Variants in IQCK observed in about 807,000 individuals in gnomAD.
IQCK encodes the protein IQ motif containing K, also known as IQ domain-containing protein K.
In IQCK, 29 loss-of-function variants were observed where a neutral mutation model predicts 28.1. That is an observed-to-expected ratio of 1.03 (90% CI 0.77 to 1.41). IQCK has a LOEUF of 1.41. Among genes scored for constraint, IQCK ranks in the 40% most tolerant of loss-of-function variants. The probability of loss-of-function intolerance (pLI) is 0.00; values close to 1 mark genes in which losing one functional copy is unlikely to be tolerated. For missense variants in IQCK, 359 were observed against 314.7 expected, an observed-to-expected ratio of 1.14 and a Z score of -1.07; for synonymous variants, 113 against 115.1, an observed-to-expected ratio of 0.98 and a Z score of 0.12.
chr16:19,763,826 T>C, intron 4 of IQCK, 22 bp from the exon 5 acceptor site: 1 of 1,590,430 alleles, frequency 6.3e-7, no homozygotes, highest in Non-Finnish European at 8.6e-7. Context: ...AGTTGTAATT[T>C]AATTATCTCT....
At chr16:19,771,120 C>G (rs2151717860) in intron 6 of IQCK, among the ~76,000 whole-genome samples, 1 of 152,290 alleles carries the variant, frequency 6.6e-6, no homozygotes, top group East Asian at 1.9e-4. Flanking sequence ...GTGACAGGGT[C>G]TCCCTCTGTT....
At chr16:19,855,569 A>G (rs1421823328) in intron 9 of IQCK, among the ~76,000 whole-genome samples, 2 of 152,140 alleles carry the variant, frequency 1.3e-5, no homozygotes, top group Admixed American at 1.3e-4. Flanking sequence ...TGGACAAGAG[A>G]GACTCTGTCC....
rs192616693 is a variant in IQCK, at chr16:19,719,592, A to C, written c.181+1105A>C. Among the ~76,000 whole-genome samples, 1,449 of 149,110 alleles carry C rather than the reference A, an allele frequency of 9.7e-3. 31 individuals are homozygous for C. The highest frequency in any genetic ancestry group is 0.032 in the African/African-American group (1,295 of 40,870). ...GTGACAGAGCGAGACTCCATCCCCA[A>C]AAAAAAAAAAGTGTGGTTAGTTAGC... On this transcript the variant is annotated intron_variant, in intron 1 of 7. Transcript: ENST00000564186.
intron 4 of IQCK, among the ~76,000 whole-genome samples, chr16:19,756,896 C>CAAA (rs34600488): frequency 3.1e-5 from 3 of 96,188 alleles, no homozygotes; most frequent in East Asian, 3.3e-4. Flanking sequence ...GGCTCCATGT[C>CAAA]AAAAAAAAAA....
At chr16:19,753,002 GA>G (rs1296666189) in intron 4 of IQCK, among the ~76,000 whole-genome samples, 1 of 152,044 alleles carries the variant, frequency 6.6e-6, no homozygotes, top group Non-Finnish European at 1.5e-5. Flanking sequence ...ACCCTCAAAT[GA>G]GCCCTCATTT....
At chr16:19,778,310 T>G (rs1212646515) in intron 6 of IQCK, among the ~76,000 whole-genome samples, 6 of 152,142 alleles carry the variant, frequency 3.9e-5, no homozygotes, top group Non-Finnish European at 1.5e-5. Flanking sequence ...GACTAAGCCC[T>G]TATCCTGTGG....
At chr16:19,743,734 A>G (rs1290761187) in intron 4 of IQCK, among the ~76,000 whole-genome samples, 1 of 152,252 alleles carries the variant, frequency 6.6e-6, no homozygotes, top group Admixed American at 6.5e-5. Flanking sequence ...CTCCACTCTG[A>G]TGGTCAGTCA....
At chr16:19,780,084 C>T (rs896044787) in intron 6 of IQCK, among the ~76,000 whole-genome samples, 26 of 150,784 alleles carry the variant, frequency 1.7e-4, no homozygotes, top group African/African-American at 5.9e-4. Flanking sequence ...GCTCTGTCAT[C>T]CAGCTGGAGT....
At chr16:19,767,848 C>G (rs555996254) in intron 6 of IQCK, among the ~76,000 whole-genome samples, 2 of 151,936 alleles carry the variant, frequency 1.3e-5, no homozygotes, top group East Asian at 1.9e-4. Flanking sequence ...CCACTGCACG[C>G]CAGCCTGGGT....
chr16:19,809,678 CAAG>C (rs2055878080), intron 7 of IQCK, among the ~76,000 whole-genome samples: 1 of 152,188 alleles, frequency 6.6e-6, no homozygotes, highest in Non-Finnish European at 1.5e-5. Context: ...ACAATGTTTT[CAAG>C]GGGATAGGGA....
chr16:19,858,143 G>C (rs1198163950), exon 10 of IQCK: 1 of 207,552 alleles, frequency 4.8e-6, no homozygotes, highest in Non-Finnish European at 9.5e-6. Flanking sequence ...GGCTGCTACA[G>C]TCTCTTGGCA....
intron 4 of IQCK, among the ~76,000 whole-genome samples, chr16:19,738,505 C>T (rs924786991): frequency 1.3e-5 from 2 of 152,158 alleles, no homozygotes; most frequent in Non-Finnish European, 2.9e-5. Flanking sequence ...TCAAAGTTAC[C>T]TGATTTTGAA....
intron 9 of IQCK, among the ~76,000 whole-genome samples, chr16:19,843,105 T>A (rs553250346): frequency 2.0e-5 from 3 of 152,330 alleles, no homozygotes; most frequent in Admixed American, 2.0e-4. Context: ...ATACTTGCTC[T>A]TTGTAGAAAA....
At chr16:19,745,122 G>C (rs1373225017) in intron 4 of IQCK, among the ~76,000 whole-genome samples, 1 of 152,130 alleles carries the variant, frequency 6.6e-6, no homozygotes, top group African/African-American at 2.4e-5. Flanking sequence ...AGTTACCTTT[G>C]TAATCAGGAA....
chr16:19,819,111 C>T (rs753938069), intron 7 of IQCK, among the ~76,000 whole-genome samples: 3 of 152,146 alleles, frequency 2.0e-5, no homozygotes, highest in South Asian at 2.1e-4. Flanking sequence ...AGGGTGTCCA[C>T]GATGGTGAGT....
Position 19,761,056 on chromosome 16 carries a change from GCAACT to G in IQCK, c.475-2791_475-2787del, listed in dbSNP as rs1373972830. On this transcript the variant is annotated intron_variant, in intron 4 of 7. Transcript: ENST00000564186. ...GTGCGCTTTGACTGGCTTCTTTACT[GCAACT>G]GTTTCATCAGCAAGGTCTTTATGAC... 2.2e-5 allele frequency: 4 copies of G among 185,814 alleles called. No individual in the cohort carries two copies. In the East Asian group the frequency reaches 5.6e-4, roughly 26 times the overall value. The allele number at this position is 185,814 out of a possible 1,614,324, so 11.5% of individuals were successfully genotyped here.
At position 19,810,956 on chromosome 16, in the gene IQCK, C is replaced by T. The variant is rs117629535; in HGVS notation, c.691-16070C>T. ...CTACGTAAAAGTCAGCTCTTGAATA[C>T]GTATTAGTGGTAAAGAAGAGATCAA... On this transcript the variant is annotated intron_variant, in intron 7 of 7. Coordinates refer to ENST00000564186, the Ensembl canonical transcript of IQCK. Among the ~76,000 whole-genome samples the T allele has an allele frequency of 2.4e-4, 37 of 152,172 alleles. 1 individual carries two copies. The East Asian group carries it at 6.2e-3, about 25-fold the overall frequency.
rs557826186 is a variant in IQCK at position 19,781,629 on chromosome 16, T to C, written c.606-7209T>C. ...TCCTAACGGCTAGTCACCATATGTCTGGGAGTACCATTCCAGATAACCTCT... is the reference window on the plus strand; with the variant it reads ...TCCTAACGGCTAGTCACCATATGTCCGGGAGTACCATTCCAGATAACCTCT... On this transcript the variant is annotated intron_variant, in intron 6 of 7. Coordinates refer to ENST00000564186, the Ensembl canonical transcript of IQCK. Among the ~76,000 whole-genome samples, 21 of 152,354 alleles carry C rather than the reference T, an allele frequency of 1.4e-4. No homozygotes were observed. In the South Asian group the frequency reaches 4.3e-3, roughly 32 times the overall value.
chr16:19,726,183 G>A (rs1310800484), intron 1 of IQCK, among the ~76,000 whole-genome samples: 1 of 151,232 alleles, frequency 6.6e-6, no homozygotes, highest in Admixed American at 6.6e-5. Context: ...CAAAGTGCTG[G>A]GATTACATGC....
Sources: gnomAD v4.1 joint callset for allele counts (sites outside exome capture counted in the v4.1 genomes callset) on GRCh38, gnomAD v4.1.1 for gene constraint, MANE v1.5 for transcripts, NCBI Gene and HGNC (gene_info 2026-07-23, HGNC 2026-07-21) for gene names.